HPR: variants seen among roughly 807,000 people sequenced by gnomAD.
The protein encoded by HPR is haptoglobin-related protein, also known as Haptoglobin-related locus.
HPR carries 17 observed loss-of-function variants against 18.5 expected under a neutral mutation model. That is an observed-to-expected ratio of 0.92 (90% CI 0.63 to 1.38). HPR has a LOEUF of 1.38. Ranked by LOEUF, HPR falls within the 40% of genes most tolerant of loss-of-function variation. The probability of loss-of-function intolerance (pLI) is 0.00; values close to 1 mark genes in which losing one functional copy is unlikely to be tolerated. For synonymous variants in HPR, 176 were observed against 165.0 expected, an observed-to-expected ratio of 1.07 and a Z score of -0.51; for missense variants, 457 against 432.4, an observed-to-expected ratio of 1.06 and a Z score of -0.51.
At chr16:72,074,861 G>T in intron 3 of HPR, 4 of 653,582 alleles carry the variant, frequency 6.1e-6, no homozygotes, top group South Asian at 3.8e-5. Flanking sequence ...CAGGTGGCCT[G>T]TAAGAGGCAG....
At chr16:72,073,687 G>T (rs570270203) in intron 1 of HPR, 1 of 1,464,928 alleles carries the variant, frequency 6.8e-7, no homozygotes, top group Non-Finnish European at 9.1e-7. Context: ...GCGTGTATGT[G>T]GGGCGGAGGG....
At position 72,065,183 on chromosome 16, in the gene HPR, C is replaced by T. The variant is rs530208020; in HGVS notation, c.5+1923C>T. Among the ~76,000 whole-genome samples, 22 of 152,194 alleles carry T rather than the reference C, an allele frequency of 1.4e-4. No individual in the cohort carries two copies. In the South Asian group the frequency reaches 4.2e-3, roughly 29 times the overall value. ...CTGATGTTGGGGTTTATATAGTCCT[C>T]CCAATGCTAAGCGGGACTTAAAATA... On this transcript the variant is annotated intron_variant, in intron 1 of 4. Transcript: ENST00000540303.
chr16:72,076,554 G>C lies in HPR; in HGVS notation c.520G>C (p.Glu174Gln). The C allele has an allele frequency of 6.2e-7, 1 of 1,614,208 alleles. No homozygotes were observed. The highest frequency in any genetic ancestry group is 1.1e-5 in the South Asian group (1 of 91,086). Residue 174 changes from glutamate (E) to glutamine (Q), a missense_variant, in exon 5 of 5, where the codon GAG becomes CAG. Transcript: ENST00000540303. Reference sequence around the variant, plus strand: ...CTATGTGGGGAAAAAGCAGCTTGTAGAGATTGAGAAGGTGGTTCTACACCC... The same window carrying C: ...CTATGTGGGGAAAAAGCAGCTTGTACAGATTGAGAAGGTGGTTCTACACCC... ...TLYVGKKQLV[E>Q]IEKVVLHPNY...
intron 1 of HPR, among the ~76,000 whole-genome samples, chr16:72,066,922 A>G (rs1402773935): frequency 2.0e-5 from 3 of 152,192 alleles, no homozygotes; most frequent in Non-Finnish European, 4.4e-5. Context: ...CAGAAACTAT[A>G]AAAGGTCCCA....
Position 72,076,786 on chromosome 16 carries a change from G to C in HPR, c.752G>C (p.Cys251Ser), listed in dbSNP as rs1388502648. 1 of 1,614,196 alleles carries C rather than the reference G, an allele frequency of 6.2e-7. No individual in the cohort carries two copies. Among genetic ancestry groups the C allele is most frequent in the Non-Finnish European group, 8.5e-7 (1 of 1,180,034 alleles). Residue 251 changes from cysteine to serine, a missense_variant, in exon 5 of 5, where the codon TGC becomes TCC. Transcript: ENST00000540303. ...CTGCCTGTGGCTGACCAATACGATT[G>C]CATAACGCATTATGAAGGCAGCACA... ...VMLPVADQYD[C>S]ITHYEGSTCP...
At chr16:72,075,348 G>A (rs1188674124) in intron 4 of HPR, 129 bp downstream of exon 4, 10 of 770,472 alleles carry the variant, frequency 1.3e-5, no homozygotes, top group Non-Finnish European at 1.9e-5. Context: ...TGGGAGAACC[G>A]CAGCTGGCCA....
intron 1 of HPR, among the ~76,000 whole-genome samples, chr16:72,066,824 A>C (rs538289062): frequency 1.3e-5 from 2 of 152,316 alleles, no homozygotes; most frequent in African/African-American, 4.8e-5. Flanking sequence ...GACAGGGAAA[A>C]ACAAAAACAG....
intron 1 of HPR, among the ~76,000 whole-genome samples, chr16:72,067,476 G>A (rs771976748): frequency 6.6e-6 from 1 of 152,186 alleles, no homozygotes; most frequent in Non-Finnish European, 1.5e-5. Flanking sequence ...GAGACTTAAT[G>A]TTAAAGTTAG....
At chr16:72,067,613 T>C (rs891570878) in intron 1 of HPR, among the ~76,000 whole-genome samples, 3 of 152,180 alleles carry the variant, frequency 2.0e-5, no homozygotes, top group African/African-American at 7.2e-5. Flanking sequence ...CTTCGAATTC[T>C]CCCAATCCAC....
chr16:72,075,470 G>A (rs1287059753), intron 4 of HPR, among the ~76,000 whole-genome samples: 4 of 152,236 alleles, frequency 2.6e-5, no homozygotes, highest in African/African-American at 7.2e-5. Flanking sequence ...CACAGATCAG[G>A]AGAGCCTGTG....
chr16:72,076,649 G>A lies in HPR; in HGVS notation c.615G>A (p.Met205Ile), dbSNP rs778672749. Residue 205 changes from methionine to isoleucine, a missense_variant, in exon 5 of 5, where the codon ATG (methionine) becomes ATA (isoleucine). By Grantham distance (10) the Met-to-Ile change is conservative. Transcript: ENST00000540303. ...AGGTGCTTGTTAATGAGAGAGTGAT[G>A]CCCATCTGCCTACCTTCAAAGAATT... ...KQKVLVNERV[M>I]PICLPSKNYA... is the part of the protein sequence containing the mutation. The A allele has an allele frequency of 1.2e-6, 2 of 1,614,078 alleles. No individual in the cohort carries two copies. The highest frequency in any genetic ancestry group is 4.5e-5 in the East Asian group (2 of 44,898).
intron 3 of HPR, 41 bp from the exon 4 acceptor site, chr16:72,075,104 C>T (rs1252209457): frequency 1.3e-6 from 1 of 748,424 alleles, no homozygotes; most frequent in East Asian, 2.7e-5. Flanking sequence ...TGGGTGCAGA[C>T]TTGACTTTTC....
chr16:72,066,914 GA>G (rs1319346916), intron 1 of HPR, among the ~76,000 whole-genome samples: 4 of 152,172 alleles, frequency 2.6e-5, no homozygotes, highest in African/African-American at 7.2e-5. Context: ...CAGGGAGCCA[GA>G]AACTATAAAA....
intron 1 of HPR, among the ~76,000 whole-genome samples, chr16:72,071,683 G>A (rs577175808): frequency 1.6e-4 from 25 of 152,316 alleles, no homozygotes; most frequent in South Asian, 4.1e-4. Context: ...ATCCTCGAGC[G>A]GATGTATGGT....
At chr16:72,070,177 G>A (rs185208236) in intron 1 of HPR, among the ~76,000 whole-genome samples, 3 of 152,162 alleles carry the variant, frequency 2.0e-5, no homozygotes, top group South Asian at 2.1e-4. Flanking sequence ...TTAAGAATCC[G>A]AACTGCTCCT....
intron 1 of HPR, among the ~76,000 whole-genome samples, chr16:72,071,798 A>G (rs2041658548): frequency 1.3e-5 from 2 of 152,140 alleles, no homozygotes; most frequent in South Asian, 4.1e-4. Flanking sequence ...ATCAACCAGA[A>G]AAGACAGAAA....
At chr16:72,072,303 C>A (rs1303505325) in intron 1 of HPR, among the ~76,000 whole-genome samples, 2 of 152,154 alleles carry the variant, frequency 1.3e-5, no homozygotes, top group Non-Finnish European at 2.9e-5. Flanking sequence ...CCACTGTGCC[C>A]AGCCTATGAT....
chr16:72,076,189 ATTTAAATCT>A (rs1324467984), intron 4 of HPR, 105 bp from the exon 5 acceptor site: 3 of 1,548,714 alleles, frequency 1.9e-6, no homozygotes, highest in Non-Finnish European at 2.6e-6. Context: ...AGGACAAAGC[ATTTAAATCT>A]TTCCAGTTTA....
chr16:72,067,898 A>T (rs2041614747), intron 1 of HPR, among the ~76,000 whole-genome samples: 1 of 152,190 alleles, frequency 6.6e-6, no homozygotes, highest in Non-Finnish European at 1.5e-5. Flanking sequence ...AAAATTCCAT[A>T]TAATCATCAA....
Sources: allele counts gnomAD v4.1 joint callset (sites outside exome capture counted in the v4.1 genomes callset), GRCh38; gene constraint gnomAD v4.1.1; transcripts MANE v1.5; gene names NCBI Gene and HGNC (gene_info 2026-07-23, HGNC 2026-07-21).